Variants in BDKRB1 observed in about 807,000 individuals in gnomAD.
BDKRB1 encodes the protein B1 bradykinin receptor.
For synonymous variants in BDKRB1, 192 were observed against 189.1 expected (o/e 1.02, Z -0.13); for missense variants, 414 against 441.4 (o/e 0.94, Z 0.56).
At chr14:96,262,286 G>A (rs1346248593) in intron 1 of BDKRB1, among the ~76,000 whole-genome samples, 1 of 152,232 alleles carries the variant, frequency 6.6e-6, no homozygotes, top group African/African-American at 2.4e-5. Flanking sequence ...GAAGAGAGCA[G>A]ACAGAAGCAC....
chr14:96,263,621 A>C, intron 2 of BDKRB1, 52 bp from the exon 3 acceptor site: 1 of 1,517,682 alleles, frequency 6.6e-7, no homozygotes, highest in Non-Finnish European at 8.8e-7. Context: ...GGTTTGGCTC[A>C]TAGGCTGTAG....
intron 1 of BDKRB1, among the ~76,000 whole-genome samples, chr14:96,257,661 A>G (rs1022402228): frequency 6.6e-6 from 1 of 151,946 alleles, no homozygotes; most frequent in Non-Finnish European, 1.5e-5. Context: ...AGAAATCCCA[A>G]CCAATCGCCG....
intron 1 of BDKRB1, chr14:96,259,971 C>CTTGA (rs1366605944): frequency 6.6e-6 from 1 of 151,566 alleles, no homozygotes; most frequent in African/African-American, 2.4e-5. Context: ...TCAGAATGAT[C>CTTGA]TTATATCAGC....
rs200369442 is a variant in BDKRB1, at chr14:96,264,382, G to A, written c.700G>A (p.Glu234Lys). The change falls in exon 3 of 3, where the codon GAG becomes AAG. Residue 234 changes from glutamate (E) to lysine (K), a missense_variant. Transcript: ENST00000216629. ...CCTGGCCTCCCTGCGAACGCGGGAG[G>A]AGGTCAGCAGGACAAGGTGCGGGGG... The part of the protein sequence containing the change: ...HILASLRTRE[E>K]VSRTRCGGRK... 6.2e-6 allele frequency: 10 copies of A among 1,614,224 alleles called. No individual in the cohort carries two copies. Among genetic ancestry groups the A allele is most frequent in the East Asian group, 2.2e-5 (1 of 44,878 alleles).
At position 96,263,833 on chromosome 14, in the gene BDKRB1, G is replaced by T; in HGVS notation, c.151G>T (p.Gly51Cys). The T allele has an allele frequency of 6.2e-7, 1 of 1,613,934 alleles. No homozygotes were observed. Among genetic ancestry groups the T allele is most frequent in the Non-Finnish European group, 8.5e-7 (1 of 1,179,904 alleles). Residue 51 changes from glycine (G) to cysteine (C), a missense_variant, in exon 3 of 3, where the codon GGC (glycine) becomes TGC (cysteine). Physicochemically the swap from Gly to Cys is radical, Grantham distance 159. Coordinates refer to ENST00000216629, the MANE Select transcript of BDKRB1 (RefSeq NM_000710.4). ...PTFIISICFF[G>C]LLGNLFVLLV... ...ATTTATCATCTCCATCTGTTTCTTCGGCCTCCTAGGGAACCTTTTTGTCCT... is the reference window on the plus strand; with the variant it reads ...ATTTATCATCTCCATCTGTTTCTTCTGCCTCCTAGGGAACCTTTTTGTCCT...
rs556396209 is a variant in BDKRB1, at chr14:96,261,215, G to A, written c.-129-1437G>A. 7.2e-5 allele frequency among the ~76,000 whole-genome samples: 11 copies of A among 152,188 alleles called. 1 individual carries two copies. The East Asian group carries it at 1.9e-3, about 27-fold the overall frequency. On this transcript the variant is annotated intron_variant, in intron 1 of 2. Transcript: ENST00000216629. ...CTGCTACTCTCCCCAGCTGTCACCC[G>A]CCAGCATGTTTATTTAGTGTGTGTA...
intron 1 of BDKRB1, chr14:96,259,987 T>C (rs1390091579): frequency 6.6e-6 from 1 of 152,212 alleles, no homozygotes; most frequent in African/African-American, 2.4e-5. Flanking sequence ...TCAGCATCTT[T>C]TGCAGCTACA....
rs2139816889 is a variant in BDKRB1, at chr14:96,264,059, TC to T, written c.379del (p.Leu127TrpfsTer42). On this transcript the variant is annotated frameshift_variant, in exon 3 of 3. Coordinates refer to ENST00000216629, the MANE Select transcript of BDKRB1 (RefSeq NM_000710.4). LOFTEE classifies it low-confidence loss of function (END_TRUNC). ...VIKANLFISI[F>X]LVVAISQDRY... is the part of the protein sequence containing the mutation. ...AAGGCCAATTTGTTCATCAGCATCT[TC>T]CTGGTGGTGGCCATCAGCCAGGACC... The T allele has an allele frequency of 1.2e-6, 2 of 1,612,828 alleles. No individual in the cohort carries two copies. Among genetic ancestry groups the T allele is most frequent in the Non-Finnish European group, 1.7e-6 (2 of 1,179,334 alleles).
In BDKRB1 at chr14:96,257,958, AGGAAGGAGGGAAGGAGGGTAGGGAG is replaced by A. The variant is rs1189207678; in HGVS notation, c.-130+1667_-130+1691del. On this transcript the variant is annotated intron_variant, in intron 1 of 2. Coordinates refer to ENST00000216629, the MANE Select transcript of BDKRB1 (RefSeq NM_000710.4). ...AAGGGAGGGATGGAGGAAGGAAGGA[AGGAAGGAGGGAAGGAGGGTAGGGAG>A]GGAAGGAGAGAAGGAGGGAATGAAG... Among the ~76,000 whole-genome samples, 5 of 149,040 alleles carry A rather than the reference AGGAAGGAGGGAAGGAGGGTAGGGAG, an allele frequency of 3.4e-5. No individual in the cohort carries two copies. The East Asian group carries it at 1.0e-3, about 30-fold the overall frequency.
At chr14:96,258,149 G>T (rs28625309) in intron 1 of BDKRB1, among the ~76,000 whole-genome samples, 4,038 of 152,152 alleles carry the variant, frequency 0.027, 158 homozygotes, top group African/African-American at 0.092. Flanking sequence ...TAAAGCAAAA[G>T]AAAACATGTT....
Position 96,264,129 on chromosome 14 carries a change from G to A in BDKRB1, c.447G>A (p.Gln149=), listed in dbSNP as rs1215963376. The A allele has an allele frequency of 4.4e-6, 7 of 1,594,570 alleles. No homozygotes were observed. Among genetic ancestry groups the A allele is most frequent in the Non-Finnish European group, 6.0e-6 (7 of 1,169,908 alleles). Residue 149 remains glutamine, a synonymous_variant, in exon 3 of 3, where the codon CAG becomes CAA. Transcript: ENST00000216629. ...LVHPMASRRQ[Q]RRRQARVTCV... ...ACCCTATGGCCAGCCGGAGGCAGCA[G>A]CGGCGGAGGCAGGCCCGGGTCACCT...
chr14:96,261,664 C>T (rs963543771), intron 1 of BDKRB1, among the ~76,000 whole-genome samples: 3 of 152,232 alleles, frequency 2.0e-5, no homozygotes, highest in African/African-American at 7.2e-5. Flanking sequence ...ACAATCATGA[C>T]AGTGACAACT....
chr14:96,260,414 G>A (rs1310752224), intron 1 of BDKRB1, among the ~76,000 whole-genome samples: 1 of 152,180 alleles, frequency 6.6e-6, no homozygotes, highest in Non-Finnish European at 1.5e-5. Context: ...AGACCCCATA[G>A]TGATGCAAAT....
rs1422978314 is a variant in BDKRB1, at chr14:96,264,525, C to G, written c.843C>G (p.Val281=). Residue 281 remains valine (V), a synonymous_variant, in exon 3 of 3, where the codon GTC becomes GTG. Transcript: ENST00000216629. ...AATTCTTATTCCAGGTGCAAGCAGT[C>G]CGAGGCTGCTTTTGGGAGGACTTCA... ...FLEFLFQVQA[V]RGCFWEDFID... 7 of 1,614,054 alleles carry G rather than the reference C, an allele frequency of 4.3e-6. No individual in the cohort carries two copies. Among genetic ancestry groups the G allele is most frequent in the Non-Finnish European group, 5.9e-6 (7 of 1,180,052 alleles).
chr14:96,260,646 C>T (rs146696746), intron 1 of BDKRB1, among the ~76,000 whole-genome samples: 13 of 152,278 alleles, frequency 8.5e-5, no homozygotes, highest in Admixed American at 2.0e-4. Context: ...CTCCAGCCTC[C>T]TCCATATTAT....
chr14:96,258,845 GAT>G (rs995925892), intron 1 of BDKRB1, among the ~76,000 whole-genome samples: 1 of 150,806 alleles, frequency 6.6e-6, no homozygotes, highest in Non-Finnish European at 1.5e-5. Context: ...TTTTTAACCA[GAT>G]TAAACCTTTC....
At chr14:96,262,501 C>T (rs75447913) in intron 1 of BDKRB1, 151 bp from the exon 2 acceptor site, 4,029 of 352,370 alleles carry the variant, frequency 0.011, 144 homozygotes, top group African/African-American at 0.08. Context: ...CTTAGAATGG[C>T]GCCTGGAACA....
Position 96,264,642 on chromosome 14 carries a change from G to T in BDKRB1, c.960G>T (p.Arg320Ser). The T allele has an allele frequency of 6.2e-7, 1 of 1,614,046 alleles. No homozygotes were observed. The highest frequency in any genetic ancestry group is 2.2e-5 in the East Asian group (1 of 44,884). The part of the protein sequence containing the change: ...VIYVFVGRLF[R>S]TKVWELYKQC... ...ATGTCTTTGTGGGCCGGCTCTTCAG[G>T]ACCAAGGTCTGGGAACTTTATAAAC... The change falls in exon 3 of 3, where the codon AGG becomes AGT. Residue 320 changes from arginine to serine, a missense_variant. Coordinates refer to ENST00000216629, the MANE Select transcript of BDKRB1 (RefSeq NM_000710.4).
At chr14:96,260,770 T>A (rs957620774) in intron 1 of BDKRB1, among the ~76,000 whole-genome samples, 1 of 152,196 alleles carries the variant, frequency 6.6e-6, no homozygotes, top group African/African-American at 2.4e-5. Context: ...CAACTTCTGC[T>A]CTTTTATCTA....
Sources: allele counts gnomAD v4.1 joint callset (sites outside exome capture counted in the v4.1 genomes callset), GRCh38; gene constraint gnomAD v4.1.1; transcripts MANE v1.5; gene names NCBI Gene and HGNC (gene_info 2026-07-23, HGNC 2026-07-21).